The following CNTNAP2 variants were observed in gnomAD, a reference collection of about 807,000 sequenced individuals.
The protein encoded by CNTNAP2 is contactin-associated protein-like 2.
A neutral mutation model predicts 155.2 loss-of-function variants in CNTNAP2; 98 were observed. The ratio of observed to expected loss-of-function variants is 0.63; its 90% CI spans 0.54 to 0.75. The LOEUF is 0.75. Among genes scored for constraint, CNTNAP2 ranks in the 30% least tolerant of loss-of-function variants. The pLI is 0.00. For synonymous variants in CNTNAP2, 651 were observed against 631.2 expected (o/e 1.03, Z -0.47); for missense variants, 1,727 against 1,688.1 (o/e 1.02, Z -0.40).
intron 16 of CNTNAP2, among the ~76,000 whole-genome samples, chr7:148,137,555 G>A (rs956298423): frequency 3.3e-5 from 5 of 152,128 alleles, no homozygotes; most frequent in African/African-American, 4.8e-5. Flanking sequence ...CCAGCCACTC[G>A]GGAGGTTGAG....
At chr7:146,476,814 T>C (rs961740669) in intron 1 of CNTNAP2, among the ~76,000 whole-genome samples, 3 of 152,148 alleles carry the variant, frequency 2.0e-5, no homozygotes, top group African/African-American at 7.2e-5. Context: ...ATCTCATGAA[T>C]GAAATTACTT....
intron 4 of CNTNAP2, among the ~76,000 whole-genome samples, chr7:147,053,773 CA>C (rs1246937360): frequency 2.6e-5 from 4 of 151,852 alleles, no homozygotes; most frequent in African/African-American, 9.7e-5. Flanking sequence ...CATATTAAAA[CA>C]AAAGTATATA....
intron 12 of CNTNAP2, among the ~76,000 whole-genome samples, chr7:147,622,034 A>G (rs1386260979): frequency 6.6e-6 from 1 of 152,056 alleles, no homozygotes; most frequent in African/African-American, 2.4e-5. Flanking sequence ...ATAATAAGAC[A>G]CAAAGAAGGT....
At chr7:148,079,413 A>G (rs974811459) in intron 15 of CNTNAP2, among the ~76,000 whole-genome samples, 10 of 152,210 alleles carry the variant, frequency 6.6e-5, no homozygotes, top group Non-Finnish European at 8.8e-5. Context: ...TGGAATCCAT[A>G]GAAGGGAGTG....
At chr7:147,260,371 T>C (rs1804431690) in intron 8 of CNTNAP2, among the ~76,000 whole-genome samples, 2 of 152,206 alleles carry the variant, frequency 1.3e-5, no homozygotes, top group Admixed American at 6.5e-5. Context: ...TAATATAAAA[T>C]GCAAGCCTAT....
intron 3 of CNTNAP2, among the ~76,000 whole-genome samples, chr7:146,932,428 G>A (rs556904332): frequency 6.2e-4 from 94 of 151,878 alleles, no homozygotes; most frequent in Middle Eastern, 3.4e-3. Flanking sequence ...GTATTGATGG[G>A]ATGTATGGCA....
intron 6 of CNTNAP2, chr7:147,121,682 A>G (rs1801114498): frequency 6.5e-6 from 1 of 153,180 alleles, no homozygotes; most frequent in Non-Finnish European, 1.5e-5. Flanking sequence ...ACTATTTTAA[A>G]AAGATTGTTC....
intron 1 of CNTNAP2, among the ~76,000 whole-genome samples, chr7:146,343,775 A>G (rs907241323): frequency 4.5e-4 from 68 of 152,242 alleles, no homozygotes; most frequent in African/African-American, 1.5e-3. Flanking sequence ...CTTATTTTTT[A>G]ATAGCATAAA....
chr7:147,762,074 T>A (rs528837963), intron 13 of CNTNAP2, among the ~76,000 whole-genome samples: 1 of 151,956 alleles, frequency 6.6e-6, no homozygotes, highest in South Asian at 2.1e-4. Context: ...TCACTAATAT[T>A]TGAAGTGTAT....
At chr7:147,617,005 C>A (rs1348081059) in intron 12 of CNTNAP2, among the ~76,000 whole-genome samples, 1 of 152,176 alleles carries the variant, frequency 6.6e-6, no homozygotes, top group Non-Finnish European at 1.5e-5. Flanking sequence ...ACCTATGCTG[C>A]AATCTTATAG....
At chr7:147,238,592 C>T (rs992701726) in intron 8 of CNTNAP2, among the ~76,000 whole-genome samples, 4 of 152,062 alleles carry the variant, frequency 2.6e-5, no homozygotes, top group Admixed American at 2.6e-4. Flanking sequence ...GCCAACTCTC[C>T]TGCTTAATCG....
At chr7:147,878,576 T>A (rs761109811) in intron 13 of CNTNAP2, among the ~76,000 whole-genome samples, 1 of 152,226 alleles carries the variant, frequency 6.6e-6, no homozygotes, top group Non-Finnish European at 1.5e-5. Flanking sequence ...TCAAATACTT[T>A]TATAGATTTA....
intron 11 of CNTNAP2, among the ~76,000 whole-genome samples, chr7:147,542,837 A>C (rs1168020877): frequency 6.6e-6 from 1 of 152,238 alleles, no homozygotes; most frequent in East Asian, 1.9e-4. Flanking sequence ...GTGCACTCCC[A>C]GTGCCCATGT....
At chr7:147,297,474 G>A (rs1283273857) in intron 8 of CNTNAP2, among the ~76,000 whole-genome samples, 1 of 152,128 alleles carries the variant, frequency 6.6e-6, no homozygotes, top group African/African-American at 2.4e-5. Context: ...AAGAAGGAAT[G>A]TTGGGAGAGA....
intron 3 of CNTNAP2, among the ~76,000 whole-genome samples, chr7:147,039,059 C>A (rs1799212210): frequency 6.6e-6 from 1 of 152,152 alleles, no homozygotes; most frequent in South Asian, 2.1e-4. Context: ...TGCCATTTGC[C>A]TTTCTGGCCT....
chr7:146,993,199 C>T (rs1318567031), intron 3 of CNTNAP2, among the ~76,000 whole-genome samples: 2 of 152,110 alleles, frequency 1.3e-5, no homozygotes, highest in African/African-American at 4.8e-5. Flanking sequence ...CCTATTTGAC[C>T]TTCTGACTTG....
At position 146,825,571 on chromosome 7, in the gene CNTNAP2, A is replaced by G. The variant is rs552052160; in HGVS notation, c.209-14140A>G. Among the ~76,000 whole-genome samples the G allele has an allele frequency of 1.5e-4, 23 of 152,290 alleles. No homozygotes were observed. In the South Asian group the frequency reaches 4.8e-3, roughly 32 times the overall value. ...CTTTGTATTTCTTCCTCAAAAATGAACTAAAGCAGATAAAGTCTTTATAAC... is the reference window on the plus strand; with the variant it reads ...CTTTGTATTTCTTCCTCAAAAATGAGCTAAAGCAGATAAAGTCTTTATAAC... On this transcript the variant is annotated intron_variant, in intron 2 of 23. Coordinates refer to ENST00000361727, the MANE Select transcript of CNTNAP2 (RefSeq NM_014141.6).
chr7:146,414,608 G>T (rs940958), intron 1 of CNTNAP2, among the ~76,000 whole-genome samples: 1 of 151,920 alleles, frequency 6.6e-6, no homozygotes, highest in East Asian at 1.9e-4. Flanking sequence ...TTGTTATTTC[G>T]AGTTCCTACT....
At chr7:147,042,428 G>A (rs148862502) in intron 3 of CNTNAP2, among the ~76,000 whole-genome samples, 12 of 152,124 alleles carry the variant, frequency 7.9e-5, no homozygotes, top group East Asian at 3.9e-4. Context: ...TTTGTATTTC[G>A]GAGCGCAGGA....
Sources: gnomAD v4.1 joint callset for allele counts (sites outside exome capture counted in the v4.1 genomes callset) on GRCh38, gnomAD v4.1.1 for gene constraint, MANE v1.5 for transcripts, NCBI Gene and HGNC (gene_info 2026-07-23, HGNC 2026-07-21) for gene names.